POFUT4: variants seen among roughly 807,000 people sequenced by gnomAD.
The protein encoded by POFUT4 is GDP-fucose protein O-fucosyltransferase 4.
chr10:73,775,523 C>T, the POFUT4 span: 3 of 1,614,216 alleles, frequency 1.9e-6, no homozygotes, highest in East Asian at 4.5e-5. Context: ...TAATCCAACC[C>T]CCATTTTGAT....
chr10:73,778,052 C>T, the POFUT4 span, among the ~76,000 whole-genome samples: 156 of 147,244 alleles, frequency 1.1e-3, 1 homozygote, highest in Admixed American at 7.7e-3. Flanking sequence ...TTAGTAGAAA[C>T]AGGGTTTTGC....
At chr10:73,778,748 C>G in the POFUT4 span, 5 of 152,246 alleles carry the variant, frequency 3.3e-5, no homozygotes, top group African/African-American at 1.2e-4. Flanking sequence ...CAAAGTTGTT[C>G]TTTTTTCATT....
chr10:73,773,278 A>G, the POFUT4 span: 1 of 1,614,050 alleles, frequency 6.2e-7, no homozygotes, highest in Admixed American at 1.7e-5. Flanking sequence ...GAGGATCCAG[A>G]GCTCTTGGCT....
chr10:73,774,753 G>A, the POFUT4 span: 1 of 154,244 alleles, frequency 6.5e-6, no homozygotes, highest in African/African-American at 2.4e-5. Flanking sequence ...AAGCGAATAG[G>A]CTACTGTAGT....
the POFUT4 span, among the ~76,000 whole-genome samples, chr10:73,778,420 C>A: frequency 6.9e-6 from 1 of 144,106 alleles, no homozygotes; most frequent in African/African-American, 2.6e-5. Context: ...AAAGCTTAGT[C>A]AGATTTGGGG....
At chr10:73,778,421 A>G in the POFUT4 span, among the ~76,000 whole-genome samples, 3 of 147,758 alleles carry the variant, frequency 2.0e-5, no homozygotes, top group African/African-American at 7.5e-5. Context: ...AAGCTTAGTC[A>G]GATTTGGGGA....
At chr10:73,775,211 C>T in the POFUT4 span, 1 of 589,004 alleles carries the variant, frequency 1.7e-6, no homozygotes, top group Non-Finnish European at 3.0e-6. Flanking sequence ...AAGACCCCTG[C>T]CCCCTTGCTT....
the POFUT4 span, chr10:73,774,450 G>C: frequency 6.6e-6 from 1 of 152,168 alleles, no homozygotes; most frequent in South Asian, 2.1e-4. Context: ...GAGGTCAAGG[G>C]GGGAGGAACA....
At chr10:73,773,687 G>T in the POFUT4 span, 4 of 1,614,256 alleles carry the variant, frequency 2.5e-6, no homozygotes, top group Middle Eastern at 1.6e-4. Flanking sequence ...TGGATGCCGA[G>T]AAAGCCCACG....
the POFUT4 span, chr10:73,775,209 T>TG: frequency 1.7e-5 from 10 of 589,164 alleles, no homozygotes; most frequent in Non-Finnish European, 2.7e-5. Flanking sequence ...TAAAGACCCC[T>TG]GCCCCCTTGC....
chr10:73,776,268 A>T, the POFUT4 span: 1 of 151,896 alleles, frequency 6.6e-6, no homozygotes, highest in Non-Finnish European at 1.5e-5. Context: ...TTTTGTAGAG[A>T]TGAGGTTTTG....
At chr10:73,773,611 A>G in the POFUT4 span, 1 of 1,614,218 alleles carries the variant, frequency 6.2e-7, no homozygotes, top group Non-Finnish European at 8.5e-7. Context: ...GGAGTGAATG[A>G]TCCTTTGCTG....
chr10:73,773,949 C>T, the POFUT4 span: 2 of 995,434 alleles, frequency 2.0e-6, no homozygotes, highest in South Asian at 3.6e-5. Flanking sequence ...TTTAAGGTGT[C>T]AACAGTCTAG....
chr10:73,772,527 C>T, the POFUT4 span: 3 of 1,563,858 alleles, frequency 1.9e-6, no homozygotes, highest in Admixed American at 1.9e-5. Context: ...TCTGGGACGC[C>T]GCGGCCAGGG....
chr10:73,775,891 A>G, the POFUT4 span: 1 of 568,290 alleles, frequency 1.8e-6, no homozygotes, highest in Non-Finnish European at 3.1e-6. Flanking sequence ...AGATGGAGGG[A>G]TACAATTCTT....
the POFUT4 span, chr10:73,775,605 A>G: frequency 6.2e-7 from 1 of 1,614,252 alleles, no homozygotes; most frequent in Non-Finnish European, 8.5e-7. Flanking sequence ...TCTCACTGCC[A>G]TGATCCACAA....
chr10:73,775,210 GC>G, the POFUT4 span: 12 of 588,812 alleles, frequency 2.0e-5, no homozygotes, highest in South Asian at 1.3e-4. Flanking sequence ...AAAGACCCCT[GC>G]CCCCTTGCTT....
the POFUT4 span, chr10:73,779,729 A>G: frequency 5.3e-5 from 8 of 152,242 alleles, no homozygotes; most frequent in Admixed American, 2.0e-4. Flanking sequence ...AAATTTCATT[A>G]TGTGCAATAA....
chr10:73,773,205 A>G, the POFUT4 span: 2 of 1,611,194 alleles, frequency 1.2e-6, no homozygotes, highest in Non-Finnish European at 1.7e-6. Flanking sequence ...CTCCTACGGG[A>G]AATGCCTGCA....
Sources: gnomAD v4.1 joint callset for allele counts (sites outside exome capture counted in the v4.1 genomes callset) on GRCh38, gnomAD v4.1.1 for gene constraint, MANE v1.5 for transcripts, NCBI Gene and HGNC (gene_info 2026-07-23, HGNC 2026-07-21) for gene names.